EPHB1: variants seen among roughly 807,000 people sequenced by gnomAD.
The protein encoded by EPHB1 is ephrin type-B receptor 1.
In EPHB1, 30 loss-of-function variants were observed where a neutral mutation model predicts 94.4. The ratio of observed to expected loss-of-function variants is 0.32; its 90% CI spans 0.24 to 0.43. The LOEUF is 0.43. Ranked by LOEUF, EPHB1 falls within the 20% of genes least tolerant of loss-of-function variation. The probability of loss-of-function intolerance (pLI) is 1.00; values close to 1 mark genes in which losing one functional copy is unlikely to be tolerated. For missense variants in EPHB1, 1,055 were observed against 1,308.3 expected (o/e 0.81, Z 2.99); for synonymous variants, 522 against 489.1 (o/e 1.07, Z -0.89).
chr3:135,215,510 C>A (rs1356037312), intron 12 of EPHB1, among the ~76,000 whole-genome samples: 16 of 152,202 alleles, frequency 1.1e-4, no homozygotes, highest in Admixed American at 1.0e-3. Context: ...CTATAACTTT[C>A]TCACTTTCCA....
chr3:134,915,036 T>C (rs1052649562), intron 1 of EPHB1, among the ~76,000 whole-genome samples: 2 of 152,006 alleles, frequency 1.3e-5, no homozygotes, highest in Non-Finnish European at 2.9e-5. Flanking sequence ...AGAATGGGTA[T>C]CTTTGGAGGA....
chr3:134,802,348 G>GA (rs558627652), intron 1 of EPHB1, among the ~76,000 whole-genome samples: 2,038 of 128,794 alleles, frequency 0.016, 38 homozygotes, highest in African/African-American at 0.048. Flanking sequence ...TCTGTCTCAC[G>GA]AAAAAAAAAA....
intron 11 of EPHB1, among the ~76,000 whole-genome samples, chr3:135,200,148 G>A (rs2107712550): frequency 6.6e-6 from 1 of 152,314 alleles, no homozygotes; most frequent in South Asian, 2.1e-4. Context: ...GGGAGCATTT[G>A]GGGCTAGATT....
At chr3:135,077,055 T>C (rs1000940095) in intron 3 of EPHB1, among the ~76,000 whole-genome samples, 6 of 152,204 alleles carry the variant, frequency 3.9e-5, no homozygotes, top group African/African-American at 1.4e-4. Context: ...CTCAAATTCA[T>C]TGAATAATTT....
rs570984266 is a variant in EPHB1 at position 134,873,503 on chromosome 3, A to G, written c.59-52313A>G. On this transcript the variant is annotated intron_variant, in intron 1 of 15. Coordinates refer to ENST00000398015, the MANE Select transcript of EPHB1 (RefSeq NM_004441.5). ...ACCTAGTCTGCATCTCTGCAGTAAT[A>G]GTGTATATATTTATTGGGGAAATAT... Among the ~76,000 whole-genome samples the G allele has an allele frequency of 6.1e-4, 93 of 152,328 alleles. 1 individual carries two copies. Among genetic ancestry groups the G allele is most frequent in the Admixed American group, 2.2e-3 (33 of 15,304 alleles).
chr3:134,911,279 A>G (rs1316225056), intron 1 of EPHB1, among the ~76,000 whole-genome samples: 1 of 152,182 alleles, frequency 6.6e-6, no homozygotes. Flanking sequence ...GCCTGCAGGG[A>G]AATGGAGCAG....
At chr3:134,802,173 A>G (rs1279148166) in intron 1 of EPHB1, among the ~76,000 whole-genome samples, 1 of 151,748 alleles carries the variant, frequency 6.6e-6, no homozygotes, top group Admixed American at 6.6e-5. Flanking sequence ...GCGGTGGCTC[A>G]TGCCTGTAAT....
chr3:134,928,675 G>A (rs2107703626), intron 2 of EPHB1, among the ~76,000 whole-genome samples: 1 of 152,278 alleles, frequency 6.6e-6, no homozygotes, highest in East Asian at 1.9e-4. Context: ...ATTCGACTTA[G>A]GGGCAATGGA....
At chr3:134,802,965 A>G (rs1046871007) in intron 1 of EPHB1, among the ~76,000 whole-genome samples, 3 of 152,164 alleles carry the variant, frequency 2.0e-5, no homozygotes, top group African/African-American at 7.2e-5. Flanking sequence ...TTGCGAAAAG[A>G]GGGAAAAGGT....
At chr3:134,970,186 A>C (rs1933912029) in intron 3 of EPHB1, among the ~76,000 whole-genome samples, 1 of 152,218 alleles carries the variant, frequency 6.6e-6, no homozygotes, top group Non-Finnish European at 1.5e-5. Flanking sequence ...CAAGTTCAAT[A>C]ATTCTTTGCC....
intron 3 of EPHB1, among the ~76,000 whole-genome samples, chr3:134,992,144 A>G (rs1310488543): frequency 6.6e-6 from 1 of 152,160 alleles, no homozygotes; most frequent in East Asian, 1.9e-4. Flanking sequence ...AATGAGCTTA[A>G]TGTTGGGACC....
intron 3 of EPHB1, among the ~76,000 whole-genome samples, chr3:135,083,323 G>A (rs746222796): frequency 6.6e-6 from 1 of 151,996 alleles, no homozygotes; most frequent in Non-Finnish European, 1.5e-5. Flanking sequence ...GGGAAATTAG[G>A]GAGCTAGTGA....
At chr3:135,062,214 G>A (rs1937522270) in intron 3 of EPHB1, among the ~76,000 whole-genome samples, 1 of 152,108 alleles carries the variant, frequency 6.6e-6, no homozygotes, top group South Asian at 2.1e-4. Flanking sequence ...TCCAGTAGTG[G>A]GATTGCTGGA....
At chr3:134,927,160 T>G (rs73224343) in intron 2 of EPHB1, among the ~76,000 whole-genome samples, 2,407 of 152,302 alleles carry the variant, frequency 0.016, 39 homozygotes, top group Non-Finnish European at 0.024. Context: ...CTATGCCCCA[T>G]GAAGGATCTC....
intron 15 of EPHB1, among the ~76,000 whole-genome samples, chr3:135,255,396 C>G (rs1933334171): frequency 7.2e-6 from 1 of 139,732 alleles, no homozygotes; most frequent in South Asian, 2.5e-4. Flanking sequence ...GAATGCATCC[C>G]AGAGATTCTG....
intron 1 of EPHB1, among the ~76,000 whole-genome samples, chr3:134,839,633 G>T (rs1238786135): frequency 2.0e-5 from 3 of 152,092 alleles, no homozygotes; most frequent in Non-Finnish European, 4.4e-5. Flanking sequence ...ATGACCTCCT[G>T]CCAGGCTGAC....
chr3:134,846,430 G>A (rs1203300267), intron 1 of EPHB1, among the ~76,000 whole-genome samples: 1 of 152,168 alleles, frequency 6.6e-6, no homozygotes, highest in Non-Finnish European at 1.5e-5. Flanking sequence ...TCCAAGCCTT[G>A]CATTATTCCC....
chr3:134,917,237 G>C (rs1451328454), intron 1 of EPHB1, among the ~76,000 whole-genome samples: 1 of 152,206 alleles, frequency 6.6e-6, no homozygotes, highest in Non-Finnish European at 1.5e-5. Flanking sequence ...GAACCATAGA[G>C]GAGAACGACC....
intron 5 of EPHB1, among the ~76,000 whole-genome samples, chr3:135,151,197 A>G (rs955562970): frequency 2.0e-5 from 3 of 152,180 alleles, no homozygotes; most frequent in African/African-American, 7.2e-5. Context: ...ATAGTATCAT[A>G]TAAGTCAGAT....
Sources: gnomAD v4.1 joint callset for allele counts (sites outside exome capture counted in the v4.1 genomes callset) on GRCh38, gnomAD v4.1.1 for gene constraint, MANE v1.5 for transcripts, NCBI Gene and HGNC (gene_info 2026-07-23, HGNC 2026-07-21) for gene names.